The following SYN3 variants were observed in gnomAD, a reference collection of about 807,000 sequenced individuals.
SYN3 encodes synapsin-3.
In SYN3, 35 loss-of-function variants were observed where a neutral mutation model predicts 65.8. The ratio of observed to expected loss-of-function variants is 0.53; its 90% CI spans 0.41 to 0.70. The LOEUF (loss-of-function observed/expected upper bound fraction) is 0.70. Among genes scored for constraint, SYN3 ranks in the 30% least tolerant of loss-of-function variants. The pLI, the probability that SYN3 is intolerant of heterozygous loss-of-function variation, is 0.00. For synonymous variants in SYN3, 270 were observed against 292.9 expected (o/e 0.92, Z 0.80); for missense variants, 680 against 749.0 (o/e 0.91, Z 1.08).
chr22:33,005,301 T>A (rs1205016474), intron 2 of SYN3, among the ~76,000 whole-genome samples: 1 of 152,176 alleles, frequency 6.6e-6, no homozygotes, highest in Non-Finnish European at 1.5e-5. Flanking sequence ...CTGTCAGACT[T>A]TTCTGGTTCC....
chr22:32,609,712 A>AAGC (rs2059416306), intron 6 of SYN3, among the ~76,000 whole-genome samples: 1 of 151,968 alleles, frequency 6.6e-6, no homozygotes, highest in Non-Finnish European at 1.5e-5. Flanking sequence ...GGCTGGACTC[A>AAGC]AACTCCTAGC....
intron 6 of SYN3, among the ~76,000 whole-genome samples, chr22:32,636,272 A>G (rs1389818673): frequency 6.6e-6 from 1 of 152,044 alleles, no homozygotes; most frequent in Non-Finnish European, 1.5e-5. Context: ...CGTGGTGGCC[A>G]GTGCCTGTAG....
chr22:33,024,711 T>C lies in SYN3; in HGVS notation c.-162-17887A>G, dbSNP rs2053612056. Among the ~76,000 whole-genome samples the C allele has an allele frequency of 2.0e-5, 3 of 152,316 alleles. No individual in the cohort carries two copies. The South Asian group carries it at 6.2e-4, about 32-fold the overall frequency. Reference sequence around the variant, plus strand: ...AATAAAGATTATAATCCGGAATGCATGAAATGACAAGCCACCAGTGCACTC... The same window carrying C: ...AATAAAGATTATAATCCGGAATGCACGAAATGACAAGCCACCAGTGCACTC... On this transcript the variant is annotated intron_variant, in intron 1 of 13. Coordinates refer to ENST00000358763, the MANE Select transcript of SYN3 (RefSeq NM_003490.4).
intron 6 of SYN3, among the ~76,000 whole-genome samples, chr22:32,762,264 G>A (rs1170825804): frequency 2.0e-5 from 3 of 151,632 alleles, no homozygotes; most frequent in Non-Finnish European, 4.4e-5. Flanking sequence ...CTTCCCCAGG[G>A]TTATAGCAGT....
intron 1 of SYN3, among the ~76,000 whole-genome samples, chr22:33,047,682 G>C (rs539793168): frequency 6.6e-6 from 1 of 151,980 alleles, no homozygotes; most frequent in African/African-American, 2.4e-5. Flanking sequence ...AAAGAAGTTT[G>C]AGGTAAGATT....
chr22:32,774,751 C>T (rs549286328), intron 6 of SYN3, among the ~76,000 whole-genome samples: 15 of 152,294 alleles, frequency 9.8e-5, no homozygotes, highest in Admixed American at 3.3e-4. Flanking sequence ...TGTGCCACCA[C>T]ACCTGGCTAA....
At chr22:32,733,074 C>A (rs986473449) in intron 6 of SYN3, among the ~76,000 whole-genome samples, 1 of 152,148 alleles carries the variant, frequency 6.6e-6, no homozygotes, top group African/African-American at 2.4e-5. Flanking sequence ...ATAAAGTCTG[C>A]CCCTGGAGCA....
At chr22:32,647,049 T>G (rs939696425) in intron 6 of SYN3, among the ~76,000 whole-genome samples, 1 of 152,240 alleles carries the variant, frequency 6.6e-6, no homozygotes, top group African/African-American at 2.4e-5. Context: ...CAGGTCTGTG[T>G]GTCCCTGTAA....
chr22:33,056,610 C>A (rs2054258314), intron 1 of SYN3, among the ~76,000 whole-genome samples: 1 of 152,254 alleles, frequency 6.6e-6, no homozygotes, highest in Non-Finnish European at 1.5e-5. Context: ...AGATCAACAT[C>A]TCCCTCTGCC....
intron 6 of SYN3, among the ~76,000 whole-genome samples, chr22:32,726,504 A>AGT (rs1340941276): frequency 1.3e-5 from 2 of 152,168 alleles, no homozygotes; most frequent in African/African-American, 4.8e-5. Context: ...TGGGCTTTAC[A>AGT]GTGTCATGCC....
chr22:33,029,154 C>T (rs535543594), intron 1 of SYN3, among the ~76,000 whole-genome samples: 175 of 149,178 alleles, frequency 1.2e-3, no homozygotes, highest in South Asian at 7.1e-3. Flanking sequence ...CTGATGAGGA[C>T]ACTGAGGTCC....
intron 7 of SYN3, among the ~76,000 whole-genome samples, chr22:32,588,135 G>A (rs537556678): frequency 4.8e-5 from 7 of 146,770 alleles, no homozygotes; most frequent in South Asian, 2.2e-4. Flanking sequence ...ATTATTGCTC[G>A]TATTATTACT....
At chr22:32,576,277 G>A (rs531352542) in intron 7 of SYN3, among the ~76,000 whole-genome samples, 85 of 151,874 alleles carry the variant, frequency 5.6e-4, no homozygotes, top group Admixed American at 9.2e-4. Context: ...TTCACCATGT[G>A]CCAAGCTCTG....
rs2060331192 is a variant in SYN3 at position 32,669,352 on chromosome 22, G to T, written c.712-72616C>A. 2.0e-5 allele frequency among the ~76,000 whole-genome samples: 3 copies of T among 152,230 alleles called. 1 individual carries two copies. The highest frequency in any genetic ancestry group is 2.0e-4 in the Admixed American group (3 of 15,298). The stretch of plus-strand genomic sequence containing the variant: ...TGAGGATTAGAGCCAAAAATCTTTG[G>T]GGAAGAGAAAAATGGAACCACATGG... On this transcript the variant is annotated intron_variant, in intron 6 of 13. Transcript: ENST00000358763.
chr22:32,793,187 ATTAT>A (rs373360727), intron 6 of SYN3, among the ~76,000 whole-genome samples: 2 of 152,268 alleles, frequency 1.3e-5, no homozygotes, highest in African/African-American at 4.8e-5. Context: ...CAGGGAGATG[ATTAT>A]TTATTGATTA....
chr22:32,987,589 T>C (rs777807290), intron 2 of SYN3, among the ~76,000 whole-genome samples: 26 of 152,140 alleles, frequency 1.7e-4, no homozygotes, highest in Non-Finnish European at 3.1e-4. Context: ...CTAAGAGTGA[T>C]GAGACTCCCT....
At chr22:33,046,670 G>C (rs2145956931) in intron 1 of SYN3, among the ~76,000 whole-genome samples, 1 of 151,960 alleles carries the variant, frequency 6.6e-6, no homozygotes, top group African/African-American at 2.4e-5. Context: ...GTAAAACCCT[G>C]TCTTTACTAA....
At chr22:33,000,991 C>T (rs1010629259) in intron 2 of SYN3, among the ~76,000 whole-genome samples, 5 of 151,858 alleles carry the variant, frequency 3.3e-5, no homozygotes, top group African/African-American at 1.2e-4. Flanking sequence ...GAAAGTGTTG[C>T]GATTCAGAGA....
At chr22:32,961,447 T>C (rs1431656888) in intron 3 of SYN3, among the ~76,000 whole-genome samples, 1 of 152,226 alleles carries the variant, frequency 6.6e-6, no homozygotes, top group Non-Finnish European at 1.5e-5. Context: ...CTTGTTTCAG[T>C]AGACACTCTA....
Sources: gnomAD v4.1 joint callset for allele counts (sites outside exome capture counted in the v4.1 genomes callset) on GRCh38, gnomAD v4.1.1 for gene constraint, MANE v1.5 for transcripts, NCBI Gene and HGNC (gene_info 2026-07-23, HGNC 2026-07-21) for gene names.